RUSF1: variants seen among roughly 807,000 people sequenced by gnomAD.
RUSF1 encodes the protein RUS family member 1.
Under a neutral mutation model 63.0 loss-of-function variants are expected in RUSF1, and 58 were observed. The observed-to-expected ratio is 0.92, with a 90% CI of 0.75 to 1.15. RUSF1 has a LOEUF of 1.15. Among genes scored for constraint, RUSF1 ranks in the 50% most tolerant of loss-of-function variants. RUSF1 has a pLI of 0.00. For missense variants in RUSF1, 652 were observed against 611.0 expected, an observed-to-expected ratio of 1.07 and a Z score of -0.71; for synonymous variants, 274 against 255.8, an observed-to-expected ratio of 1.07 and a Z score of -0.68.
chr16:31,491,742 G>A (rs956842581), intron 12 of RUSF1, among the ~76,000 whole-genome samples: 1 of 151,362 alleles, frequency 6.6e-6, no homozygotes, highest in African/African-American at 2.4e-5. Context: ...CTCCTGAGTA[G>A]CTGCAACCAC....
At chr16:31,501,786 G>A (rs2082634316) in intron 2 of RUSF1, among the ~76,000 whole-genome samples, 1 of 151,904 alleles carries the variant, frequency 6.6e-6, no homozygotes, top group Non-Finnish European at 1.5e-5. Flanking sequence ...ATGATCCCAG[G>A]GTCAAAATCC....
Position 31,492,994 on chromosome 16 carries a change from G to A in RUSF1, c.1071C>T (p.Cys357=), listed in dbSNP as rs1293933861. Residue 357 remains cysteine, a synonymous_variant, in exon 10 of 13, where the codon TGC becomes TGT. Coordinates refer to ENST00000327237, the MANE Select transcript of RUSF1 (RefSeq NM_022744.4). ...CACACTCACTTTGTGACTGGTCCCAGCAGAGGAGGTAGGATTCTTGGTGCC... is the reference window on the plus strand; with the variant it reads ...CACACTCACTTTGTGACTGGTCCCAACAGAGGAGGTAGGATTCTTGGTGCC... ...VEGHQESYLL[C]WDQSQNQVQV... is the part of the protein sequence containing the mutation. 4 of 1,612,926 alleles carry A rather than the reference G, an allele frequency of 2.5e-6. No homozygotes were observed. Among genetic ancestry groups the A allele is most frequent in the Non-Finnish European group, 3.4e-6 (4 of 1,179,240 alleles).
chr16:31,490,873 C>T lies in RUSF1; in HGVS notation c.1369G>A (p.Ala457Thr). The change falls in exon 13 of 13, where the codon GCC becomes ACC. Residue 457 changes from alanine to threonine, a missense_variant. Coordinates refer to ENST00000327237, the MANE Select transcript of RUSF1 (RefSeq NM_022744.4). Reference sequence around the variant, plus strand: ...TTTTCGGGAGACAGAAGCCATGTGGCCCTCCACTCATCCACCTCTAGCTGG... The same window carrying T: ...TTTTCGGGAGACAGAAGCCATGTGGTCCTCCACTCATCCACCTCTAGCTGG... ...KHQLEVDEWR[A>T]TWLLSPEKKV... 1.2e-6 allele frequency: 2 copies of T among 1,614,170 alleles called. No homozygotes were observed. The highest frequency in any genetic ancestry group is 2.7e-5 in the African/African-American group (2 of 75,052).
chr16:31,506,994 G>A (rs908808266), intron 2 of RUSF1, among the ~76,000 whole-genome samples: 1 of 152,196 alleles, frequency 6.6e-6, no homozygotes, highest in Non-Finnish European at 1.5e-5. Context: ...TGCTACGAAT[G>A]GAAAGCGCTT....
chr16:31,494,852 T>A (rs1379734693), intron 6 of RUSF1, among the ~76,000 whole-genome samples: 1 of 152,122 alleles, frequency 6.6e-6, no homozygotes, highest in Non-Finnish European at 1.5e-5. Context: ...ATTACTGCAT[T>A]TTTTGGTAAA....
intron 12 of RUSF1, among the ~76,000 whole-genome samples, chr16:31,491,806 T>C (rs2082570660): frequency 6.6e-6 from 1 of 152,050 alleles, no homozygotes. Context: ...CAGACAAGGA[T>C]TTGCCATGTT....
chr16:31,508,021 TG>T, intron 1 of RUSF1, 52 bp downstream of exon 1: 7 of 1,556,974 alleles, frequency 4.5e-6, no homozygotes, highest in Non-Finnish European at 6.1e-6. Context: ...CGTCCATTAT[TG>T]GGGAGGGAGG....
rs369485430 is a variant in RUSF1 at position 31,492,365 on chromosome 16, G to A, written c.1088-25C>T. ...TCTGGAGGGACCCAGAGACAGACTG[G>A]TATCAGGGAAGGGCCACCTCCCAAA... On this transcript the variant is annotated intron_variant, in intron 10 of 12. Coordinates refer to ENST00000327237, the MANE Select transcript of RUSF1 (RefSeq NM_022744.4). 245 of 1,519,496 alleles carry A rather than the reference G, an allele frequency of 1.6e-4. 1 individual carries two copies. The Middle Eastern group carries it at 2.5e-3, about 15-fold the overall frequency. The allele number at this position is 1,519,496 out of a possible 1,614,324, so 94.1% of individuals were successfully genotyped here. A position where few individuals can be genotyped will look rare whatever the true frequency, so the allele number is the denominator to read the frequency against.
chr16:31,497,663 G>C (rs1202644714), intron 5 of RUSF1, among the ~76,000 whole-genome samples: 1 of 152,128 alleles, frequency 6.6e-6, no homozygotes, highest in Non-Finnish European at 1.5e-5. Context: ...GCCAGACATA[G>C]ACTTAGGTGC....
At chr16:31,495,032 A>G (rs940832025) in intron 6 of RUSF1, among the ~76,000 whole-genome samples, 1 of 152,200 alleles carries the variant, frequency 6.6e-6, no homozygotes, top group African/African-American at 2.4e-5. Context: ...GGTATGCAGT[A>G]ACTGGCAGAT....
At chr16:31,507,485 G>A (rs1490780276) in intron 2 of RUSF1, among the ~76,000 whole-genome samples, 1 of 152,138 alleles carries the variant, frequency 6.6e-6, no homozygotes, top group Non-Finnish European at 1.5e-5. Flanking sequence ...TCCACAAAGA[G>A]AATAGGGATA....
chr16:31,492,553 G>A (rs2082577628), intron 10 of RUSF1, among the ~76,000 whole-genome samples: 1 of 152,146 alleles, frequency 6.6e-6, no homozygotes, highest in African/African-American at 2.4e-5. Flanking sequence ...GCCGCTCACT[G>A]GGCTGGGTCT....
intron 5 of RUSF1, among the ~76,000 whole-genome samples, chr16:31,498,828 T>C (rs2082617833): frequency 6.6e-6 from 1 of 152,206 alleles, no homozygotes; most frequent in African/African-American, 2.4e-5. Context: ...CTACACTCCC[T>C]GACCAGGCTG....
Position 31,493,276 on chromosome 16 carries a change from C to T in RUSF1, c.1016+191G>A, listed in dbSNP as rs1212383396. 8 of 883,604 alleles carry T rather than the reference C, an allele frequency of 9.1e-6. No individual in the cohort carries two copies. The Admixed American group carries it at 1.6e-4, about 18-fold the overall frequency. The allele number at this position is 883,604 out of a possible 1,614,324, so 54.7% of individuals were successfully genotyped here. A position where few individuals can be genotyped will look rare whatever the true frequency, so the allele number is the denominator to read the frequency against. ...CCATCCTTCCTTCACCCATCAAGCA[C>T]ATCTCTTACATCTGCTTCATGTTAT... On this transcript the variant is annotated intron_variant, in intron 9 of 12. Transcript: ENST00000327237.
chr16:31,501,347 G>T (rs1246507993), intron 2 of RUSF1, among the ~76,000 whole-genome samples: 3 of 152,070 alleles, frequency 2.0e-5, no homozygotes, highest in African/African-American at 4.8e-5. Context: ...AGCACTTTGG[G>T]ATTACAGGGG....
chr16:31,493,954 G>C lies in RUSF1; in HGVS notation c.703-18C>G, dbSNP rs771497296. The C allele has an allele frequency of 1.2e-6, 2 of 1,613,168 alleles. No homozygotes were observed. Among genetic ancestry groups the C allele is most frequent in the South Asian group, 2.2e-5 (2 of 90,860 alleles). ...AGCGTCTCCTGGAAAATGGCAGAGG[G>C]AGAAGGAGTTGGAAGGTGCCCCTCC... On this transcript the variant is annotated intron_variant, in intron 6 of 12. Coordinates refer to ENST00000327237, the MANE Select transcript of RUSF1 (RefSeq NM_022744.4).
chr16:31,490,771 T>G lies in RUSF1; in HGVS notation c.*64A>C. On this transcript the variant is annotated 3_prime_UTR_variant, in exon 13 of 13. Coordinates refer to ENST00000327237, the MANE Select transcript of RUSF1 (RefSeq NM_022744.4). ...AAATAAAGCTGCCTTTCCCCTGTCC[T>G]GCTGTGGCCAAAGTGTCCTTGCTCC... 6.4e-7 allele frequency: 1 copy of G among 1,561,826 alleles called. No individual in the cohort carries two copies. The highest frequency in any genetic ancestry group is 1.1e-5 in the South Asian group (1 of 90,002).
intron 9 of RUSF1, 112 bp downstream of exon 9, chr16:31,493,355 A>G: frequency 7.3e-7 from 1 of 1,366,544 alleles, no homozygotes; most frequent in East Asian, 2.5e-5. Flanking sequence ...TTCAGCAGCA[A>G]TGAAGAACCC....
At chr16:31,498,758 G>A (rs927901875) in intron 5 of RUSF1, among the ~76,000 whole-genome samples, 4 of 152,078 alleles carry the variant, frequency 2.6e-5, no homozygotes, top group East Asian at 1.9e-4. Context: ...TCTTTTGCCC[G>A]GAACACCCGC....
Sources: allele counts gnomAD v4.1 joint callset (sites outside exome capture counted in the v4.1 genomes callset), GRCh38; gene constraint gnomAD v4.1.1; transcripts MANE v1.5; gene names NCBI Gene and HGNC (gene_info 2026-07-23, HGNC 2026-07-21).